LARGE1: variants seen among roughly 807,000 people sequenced by gnomAD.
LARGE1 encodes the protein LARGE xylosyl- and glucuronyltransferase 1.
LARGE1 carries 43 observed loss-of-function variants against 87.6 expected under a neutral mutation model. That is an observed-to-expected ratio of 0.49 (90% CI 0.38 to 0.63). LARGE1 has a LOEUF of 0.63. LARGE1 is among the 30% of genes least tolerant of loss of function. The probability of loss-of-function intolerance (pLI) is 0.00; values close to 1 mark genes in which losing one functional copy is unlikely to be tolerated. For synonymous variants in LARGE1, 434 were observed against 394.6 expected (o/e 1.10, Z -1.18); for missense variants, 802 against 1,000.2 (o/e 0.80, Z 2.67).
intron 1 of LARGE1, among the ~76,000 whole-genome samples, chr22:33,909,230 A>C (rs544310469): frequency 1.3e-5 from 2 of 152,308 alleles, no homozygotes; most frequent in East Asian, 3.9e-4. Context: ...TTCCATATCA[A>C]GCAAATGTTT....
chr22:33,717,355 T>C (rs566661538), intron 2 of LARGE1, among the ~76,000 whole-genome samples: 16 of 152,200 alleles, frequency 1.1e-4, no homozygotes, highest in Non-Finnish European at 2.1e-4. Context: ...ACATTTTCCA[T>C]CAGGGGCCTC....
chr22:33,913,829 T>C (rs2065707311), intron 1 of LARGE1, among the ~76,000 whole-genome samples: 1 of 152,086 alleles, frequency 6.6e-6, no homozygotes. Flanking sequence ...ATTACAGGGG[T>C]GAGCCACTGT....
intron 1 of LARGE1, among the ~76,000 whole-genome samples, chr22:33,762,769 G>A (rs2084779449): frequency 6.6e-6 from 1 of 152,126 alleles, no homozygotes; most frequent in South Asian, 2.1e-4. Flanking sequence ...ATTTGACCAG[G>A]GAATCATGAA....
chr22:33,536,817 TAC>T (rs1310804225), intron 6 of LARGE1, among the ~76,000 whole-genome samples: 1 of 152,194 alleles, frequency 6.6e-6, no homozygotes, highest in African/African-American at 2.4e-5. Flanking sequence ...TTTATTTATT[TAC>T]TTATTTTTTG....
At chr22:33,622,239 T>A (rs2079777865) in intron 4 of LARGE1, among the ~76,000 whole-genome samples, 1 of 152,116 alleles carries the variant, frequency 6.6e-6, no homozygotes, top group Non-Finnish European at 1.5e-5. Context: ...GGAGGTGGTT[T>A]CCCCCATGCT....
intron 6 of LARGE1, among the ~76,000 whole-genome samples, chr22:33,447,870 G>C (rs1375265284): frequency 6.6e-6 from 1 of 152,118 alleles, no homozygotes; most frequent in African/African-American, 2.4e-5. Flanking sequence ...GTGTGGAAAG[G>C]AATGGAGTAA....
intron 7 of LARGE1, among the ~76,000 whole-genome samples, chr22:33,408,349 G>C (rs1367091555): frequency 2.0e-5 from 3 of 152,158 alleles, no homozygotes; most frequent in Admixed American, 2.0e-4. Flanking sequence ...AATTATCTTT[G>C]GCTACAAAGA....
intron 1 of LARGE1, among the ~76,000 whole-genome samples, chr22:33,904,711 T>C (rs1030745349): frequency 6.6e-6 from 1 of 151,072 alleles, no homozygotes; most frequent in African/African-American, 2.4e-5. Flanking sequence ...GGAATGGTTA[T>C]TTAACATCAC....
chr22:33,548,279 C>T (rs915885965), intron 6 of LARGE1, among the ~76,000 whole-genome samples: 1 of 152,214 alleles, frequency 6.6e-6, no homozygotes, highest in Non-Finnish European at 1.5e-5. Flanking sequence ...GATGCCTGCC[C>T]CCGCTCTGCC....
chr22:33,583,082 G>C (rs922924702), intron 5 of LARGE1, among the ~76,000 whole-genome samples: 2 of 152,134 alleles, frequency 1.3e-5, no homozygotes, highest in African/African-American at 2.4e-5. Flanking sequence ...TAGGACTCTT[G>C]CTCTTCCTGC....
intron 10 of LARGE1, among the ~76,000 whole-genome samples, chr22:33,334,542 TA>T (rs1171433837): frequency 6.6e-6 from 1 of 152,184 alleles, no homozygotes; most frequent in East Asian, 1.9e-4. Flanking sequence ...CTGAGACATT[TA>T]AACACAGAGG....
At chr22:33,607,766 C>T (rs2079308555) in intron 4 of LARGE1, among the ~76,000 whole-genome samples, 1 of 152,180 alleles carries the variant, frequency 6.6e-6, no homozygotes, top group Admixed American at 6.5e-5. Flanking sequence ...CAAGGCCAAC[C>T]TGCCATACAT....
chr22:33,384,215 G>T lies in LARGE1; in HGVS notation c.982C>A (p.Leu328Ile). 1 of 1,613,988 alleles carries T rather than the reference G, an allele frequency of 6.2e-7. No individual in the cohort carries two copies. The highest frequency in any genetic ancestry group is 8.5e-7 in the Non-Finnish European group (1 of 1,179,850). The change falls in exon 8 of 15, where the codon CTC (leucine) becomes ATC (isoleucine). Residue 328 changes from leucine (L) to isoleucine (I), a missense_variant. Leu to Ile is a conservative substitution (Grantham distance 5, BLOSUM62 2). Coordinates refer to ENST00000397394, the MANE Select transcript of LARGE1 (RefSeq NM_133642.5). ...ACCTGGTCAGCTAAGGATGTAGAGA[G>T]CATGCCCATGAGCTCCCTCTCTGCG... ...LTAERELMGM[L>I]STSLADQDIF...
At chr22:33,249,987 T>C (rs1213260926) in intron 11 of LARGE1, among the ~76,000 whole-genome samples, 3 of 152,194 alleles carry the variant, frequency 2.0e-5, no homozygotes, top group African/African-American at 7.2e-5. Context: ...CAACTTCATT[T>C]TTCTCTTTCA....
intron 11 of LARGE1, among the ~76,000 whole-genome samples, chr22:33,169,790 G>A (rs1922465116): frequency 6.6e-6 from 1 of 151,694 alleles, no homozygotes; most frequent in South Asian, 2.1e-4. Context: ...GGCGGAGGTT[G>A]CAGTGAGCCA....
At chr22:33,159,527 T>C (rs1489815823), downstream of LARGE1, among the ~76,000 whole-genome samples, 1 of 151,888 alleles carries the variant, frequency 6.6e-6, no homozygotes, top group South Asian at 2.1e-4. Context: ...TACTCATTGA[T>C]AGACTGATAG....
chr22:33,683,154 T>TTC (rs143352631), intron 2 of LARGE1, among the ~76,000 whole-genome samples: 11,187 of 152,326 alleles, frequency 0.073, 533 homozygotes, highest in Middle Eastern at 0.11. Context: ...TCAAACATTA[T>TTC]TCTGGGTGTG....
At chr22:33,703,802 T>C (rs2082472642) in intron 2 of LARGE1, among the ~76,000 whole-genome samples, 1 of 152,254 alleles carries the variant, frequency 6.6e-6, no homozygotes, top group African/African-American at 2.4e-5. Flanking sequence ...TTTGGACTTC[T>C]GACCTTCAGA....
Position 33,768,137 on chromosome 22 carries a change from AT to A in LARGE1, c.-82-6580del, listed in dbSNP as rs1341737031. On this transcript the variant is annotated intron_variant, in intron 1 of 14. Transcript: ENST00000397394. ...ATCCTGGCTAACACAGTGAAACCCCATACCAACCAAAAATACAAAAACTTAG... is the reference window on the plus strand; with the variant it reads ...ATCCTGGCTAACACAGTGAAACCCCAACCAACCAAAAATACAAAAACTTAG... 2.0e-5 allele frequency among the ~76,000 whole-genome samples: 3 copies of A among 152,078 alleles called. No individual in the cohort carries two copies. The East Asian group carries it at 5.8e-4, about 29-fold the overall frequency.
Sources: allele counts gnomAD v4.1 joint callset (sites outside exome capture counted in the v4.1 genomes callset), GRCh38; gene constraint gnomAD v4.1.1; transcripts MANE v1.5; gene names NCBI Gene and HGNC (gene_info 2026-07-23, HGNC 2026-07-21).